ADARB2: variants seen among roughly 807,000 people sequenced by gnomAD.
ADARB2 encodes inactive double-stranded RNA-specific editase B2.
ADARB2 carries 25 observed loss-of-function variants against 62.2 expected under a neutral mutation model. The observed-to-expected ratio is 0.40, with a 90% CI of 0.29 to 0.56. ADARB2 has a LOEUF of 0.56. Among genes scored for constraint, ADARB2 ranks in the 20% least tolerant of loss-of-function variants. The pLI is 0.43. For missense variants in ADARB2, 1,071 were observed against 1,077.4 expected (o/e 0.99, Z 0.08); for synonymous variants, 572 against 500.8 (o/e 1.14, Z -1.90).
intron 1 of ADARB2, among the ~76,000 whole-genome samples, chr10:1,495,763 CATT>C (rs1485803323): frequency 1.4e-5 from 2 of 147,060 alleles, no homozygotes; most frequent in Non-Finnish European, 3.1e-5. Flanking sequence ...TCATCATTAT[CATT>C]GTTATCATCA....
At chr10:1,376,439 G>C (rs1481905770) in intron 2 of ADARB2, among the ~76,000 whole-genome samples, 3 of 152,208 alleles carry the variant, frequency 2.0e-5, no homozygotes, top group Non-Finnish European at 4.4e-5. Context: ...AGCCTGAAAG[G>C]CTTCCAGAAA....
intron 1 of ADARB2, among the ~76,000 whole-genome samples, chr10:1,474,907 C>A (rs534044507): frequency 1.3e-5 from 2 of 152,284 alleles, no homozygotes; most frequent in African/African-American, 4.8e-5. Flanking sequence ...ACGCACCACA[C>A]GGCTGGACCG....
At chr10:1,617,657 T>C (rs1323903488) in intron 1 of ADARB2, among the ~76,000 whole-genome samples, 1 of 151,024 alleles carries the variant, frequency 6.6e-6, no homozygotes, top group African/African-American at 2.4e-5. Context: ...GCTAGATGTT[T>C]GTGTGCCCGT....
At chr10:1,695,678 C>T (rs1834731260) in intron 1 of ADARB2, among the ~76,000 whole-genome samples, 2 of 151,872 alleles carry the variant, frequency 1.3e-5, no homozygotes, top group South Asian at 4.2e-4. Context: ...TGCATGTATG[C>T]AAGAAACATG....
chr10:1,375,327 G>A (rs1832412650), intron 2 of ADARB2, among the ~76,000 whole-genome samples: 1 of 152,174 alleles, frequency 6.6e-6, no homozygotes, highest in Non-Finnish European at 1.5e-5. Context: ...ACTGCCCCAG[G>A]GCAGACACGC....
At chr10:1,496,008 T>G (rs1831684873) in intron 1 of ADARB2, among the ~76,000 whole-genome samples, 2 of 151,948 alleles carry the variant, frequency 1.3e-5, no homozygotes, top group African/African-American at 4.8e-5. Context: ...ATCATAGTCA[T>G]CATCATCACC....
intron 3 of ADARB2, among the ~76,000 whole-genome samples, chr10:1,302,456 C>T (rs61832045): frequency 0.44 from 66,154 of 151,290 alleles, 15,946 homozygotes; most frequent in East Asian, 0.69. Flanking sequence ...GGGGGAGGGG[C>T]GCCCACCATT....
chr10:1,440,924 C>T (rs1361320076), intron 1 of ADARB2, among the ~76,000 whole-genome samples: 1 of 152,260 alleles, frequency 6.6e-6, no homozygotes, highest in African/African-American at 2.4e-5. Flanking sequence ...GTTCAAGCCT[C>T]ACTCCAGCCT....
chr10:1,422,421 C>A (rs189922187), intron 1 of ADARB2, among the ~76,000 whole-genome samples: 1 of 152,272 alleles, frequency 6.6e-6, no homozygotes, highest in South Asian at 2.1e-4. Flanking sequence ...CTTTGGAGAC[C>A]GGGGCTGCAG....
intron 1 of ADARB2, among the ~76,000 whole-genome samples, chr10:1,456,425 T>A (rs1204664492): frequency 6.6e-6 from 1 of 152,158 alleles, no homozygotes; most frequent in Non-Finnish European, 1.5e-5. Flanking sequence ...AGTTTCCTCA[T>A]TAACTTTGCT....
chr10:1,363,329 C>A lies in ADARB2; in HGVS notation c.776G>T (p.Arg259Leu). 2 of 1,239,952 alleles carry A rather than the reference C, an allele frequency of 1.6e-6. No individual in the cohort carries two copies. Among genetic ancestry groups the A allele is most frequent in the South Asian group, 6.6e-5 (2 of 30,412 alleles). The allele number at this position is 1,239,952 out of a possible 1,614,324, so 76.8% of individuals were successfully genotyped here. A position where few individuals can be genotyped will look rare whatever the true frequency, so the allele number is the denominator to read the frequency against. Residue 259 changes from arginine (R) to leucine (L), a missense_variant, in exon 3 of 10, where the codon CGC (arginine) becomes CTC (leucine). By Grantham distance (102) the Arg-to-Leu change is moderately radical (BLOSUM62 -2). Coordinates refer to ENST00000381312, the MANE Select transcript of ADARB2 (RefSeq NM_018702.4). ...GGTCGGGCCCACCAGGTCCAGCGCGCGGCACAGCAGCCGCCGTCGCCCGTA... is the reference window on the plus strand; with the variant it reads ...GGTCGGGCCCACCAGGTCCAGCGCGAGGCACAGCAGCCGCCGTCGCCCGTA... Reference protein sequence around the residue: ...AAYGRRRLLCRALDLVGPTPA... With the variant: ...AAYGRRRLLCLALDLVGPTPA...
intron 3 of ADARB2, among the ~76,000 whole-genome samples, chr10:1,345,899 C>T (rs79179637): frequency 0.039 from 5,888 of 152,310 alleles, 134 homozygotes; most frequent in South Asian, 0.097. Context: ...CCACACCAAA[C>T]CCTGCAACCT....
chr10:1,315,536 G>T (rs1034629344), intron 3 of ADARB2, among the ~76,000 whole-genome samples: 1 of 152,208 alleles, frequency 6.6e-6, no homozygotes, highest in Non-Finnish European at 1.5e-5. Context: ...AGTCAATGAG[G>T]GATCAAAGGA....
chr10:1,520,492 G>A (rs1373662383), intron 1 of ADARB2, among the ~76,000 whole-genome samples: 2 of 152,120 alleles, frequency 1.3e-5, no homozygotes, highest in Non-Finnish European at 2.9e-5. Context: ...GCTAAACTTA[G>A]GGAAGAAAGA....
At chr10:1,216,729 G>C (rs887089748) in intron 7 of ADARB2, 2 of 617,948 alleles carry the variant, frequency 3.2e-6, no homozygotes, top group Admixed American at 3.3e-5. Flanking sequence ...GGCAGCCTCG[G>C]GTGGCAGGGC....
chr10:1,208,905 G>C (rs1368787047), intron 7 of ADARB2, among the ~76,000 whole-genome samples: 2 of 152,180 alleles, frequency 1.3e-5, no homozygotes, highest in African/African-American at 4.8e-5. Flanking sequence ...TTCTCTGCTG[G>C]GGCGCCCGGA....
At chr10:1,351,637 C>G (rs963881769) in intron 3 of ADARB2, among the ~76,000 whole-genome samples, 3 of 152,036 alleles carry the variant, frequency 2.0e-5, no homozygotes, top group Non-Finnish European at 2.9e-5. Flanking sequence ...GTATAAGATA[C>G]CTCTACTCCC....
chr10:1,518,442 G>A (rs567558334), intron 1 of ADARB2, among the ~76,000 whole-genome samples: 1 of 152,310 alleles, frequency 6.6e-6, no homozygotes, highest in East Asian at 1.9e-4. Context: ...ACGGAGCTCT[G>A]CACTCCAAGC....
chr10:1,342,776 C>A (rs1832042436), intron 3 of ADARB2, among the ~76,000 whole-genome samples: 1 of 152,212 alleles, frequency 6.6e-6, no homozygotes, highest in Admixed American at 6.5e-5. Flanking sequence ...GAAAAGAGGT[C>A]TTTTGCTGTG....
Sources: allele counts gnomAD v4.1 joint callset (sites outside exome capture counted in the v4.1 genomes callset), GRCh38; gene constraint gnomAD v4.1.1; transcripts MANE v1.5; gene names NCBI Gene and HGNC (gene_info 2026-07-23, HGNC 2026-07-21).